The following PDE7B variants were observed in gnomAD, a reference collection of about 807,000 sequenced individuals.
PDE7B encodes 3',5'-cyclic-AMP phosphodiesterase 7B.
A neutral mutation model predicts 56.2 loss-of-function variants in PDE7B; 29 were observed. That is an observed-to-expected ratio of 0.52 (90% CI 0.38 to 0.70). The LOEUF (loss-of-function observed/expected upper bound fraction) is 0.70. Ranked by LOEUF, PDE7B falls within the 30% of genes least tolerant of loss-of-function variation. PDE7B has a pLI of 0.00. For missense variants in PDE7B, 490 were observed against 565.0 expected (o/e 0.87, Z 1.35); for synonymous variants, 197 against 196.9 (o/e 1.00, Z 0.00).
At chr6:136,013,805 C>T (rs762246612) in intron 2 of PDE7B, among the ~76,000 whole-genome samples, 2 of 152,140 alleles carry the variant, frequency 1.3e-5, no homozygotes, top group South Asian at 4.1e-4. Context: ...TTGTACTTTT[C>T]GTGTGCATTA....
chr6:136,057,429 A>G (rs1386160872), intron 2 of PDE7B, among the ~76,000 whole-genome samples: 1 of 152,220 alleles, frequency 6.6e-6, no homozygotes, highest in Non-Finnish European at 1.5e-5. Flanking sequence ...ATCAAAGTAT[A>G]CAATGAAAGC....
intron 2 of PDE7B, among the ~76,000 whole-genome samples, chr6:135,990,758 C>T (rs180840377): frequency 6.6e-6 from 1 of 152,290 alleles, no homozygotes; most frequent in African/African-American, 2.4e-5. Context: ...GAAAGGGGTC[C>T]CAATCCAGAC....
chr6:136,072,865 T>A (rs999262778), intron 2 of PDE7B: 2 of 152,214 alleles, frequency 1.3e-5, no homozygotes, highest in African/African-American at 2.4e-5. Flanking sequence ...AACAGTCACA[T>A]GGGTCAGGTG....
At chr6:136,064,331 A>C (rs1010406368) in intron 2 of PDE7B, 1 of 152,234 alleles carries the variant, frequency 6.6e-6, no homozygotes, top group African/African-American at 2.4e-5. Flanking sequence ...AACAGTAGGC[A>C]AAAATAAAAA....
intron 2 of PDE7B, chr6:136,038,085 A>G: frequency 1.5e-6 from 2 of 1,336,804 alleles, no homozygotes; most frequent in Non-Finnish European, 2.0e-6. Context: ...CTGAAGAGAC[A>G]GGGAGGTTGT....
At chr6:135,894,160 A>T (rs1381855339) in intron 1 of PDE7B, among the ~76,000 whole-genome samples, 1 of 152,200 alleles carries the variant, frequency 6.6e-6, no homozygotes, top group South Asian at 2.1e-4. Flanking sequence ...AATGTTAACC[A>T]CATCTATATG....
chr6:136,044,093 A>G (rs1776457764), intron 2 of PDE7B: 1 of 152,088 alleles, frequency 6.6e-6, no homozygotes, highest in African/African-American at 2.4e-5. Flanking sequence ...AATTTATCCC[A>G]TTCCTTACTT....
intron 2 of PDE7B, among the ~76,000 whole-genome samples, chr6:136,104,057 G>A (rs1053682784): frequency 2.6e-5 from 4 of 152,206 alleles, no homozygotes; most frequent in African/African-American, 7.2e-5. Flanking sequence ...CCTGTCCTCA[G>A]GGAGGGTGAG....
At chr6:135,997,514 T>G (rs1365409532) in intron 2 of PDE7B, among the ~76,000 whole-genome samples, 1 of 147,972 alleles carries the variant, frequency 6.8e-6, no homozygotes, top group African/African-American at 2.5e-5. Flanking sequence ...TTCTGAAATT[T>G]CACTACTAGG....
chr6:136,161,447 A>G (rs1368437043), intron 8 of PDE7B, among the ~76,000 whole-genome samples: 2 of 152,200 alleles, frequency 1.3e-5, no homozygotes, highest in African/African-American at 4.8e-5. Flanking sequence ...TCTTACTAAG[A>G]ATACACAGAG....
chr6:135,947,807 A>G (rs2128199512), intron 2 of PDE7B, among the ~76,000 whole-genome samples: 1 of 152,224 alleles, frequency 6.6e-6, no homozygotes, highest in Admixed American at 6.5e-5. Context: ...GTATTCAGGC[A>G]GCTATGATGA....
chr6:136,010,389 CTT>C (rs1327188298), intron 2 of PDE7B, among the ~76,000 whole-genome samples: 17 of 98,804 alleles, frequency 1.7e-4, no homozygotes, highest in Non-Finnish European at 1.5e-4. Flanking sequence ...TTATTCCCTT[CTT>C]TTTTTTTTTT....
intron 3 of PDE7B, among the ~76,000 whole-genome samples, chr6:136,122,595 A>G (rs536689021): frequency 1.3e-5 from 2 of 152,362 alleles, no homozygotes; most frequent in South Asian, 2.1e-4. Flanking sequence ...AAAGCCCAGG[A>G]TCTCAATCCA....
chr6:135,963,222 A>G (rs1477192125), intron 2 of PDE7B, among the ~76,000 whole-genome samples: 1 of 152,210 alleles, frequency 6.6e-6, no homozygotes, highest in East Asian at 1.9e-4. Flanking sequence ...ACATGTTTCA[A>G]TTATGCCAGG....
In PDE7B at chr6:135,862,037, G is replaced by C. The variant is rs913157247; in HGVS notation, c.21+10018G>C. Among the ~76,000 whole-genome samples the C allele has an allele frequency of 1.2e-4, 18 of 151,786 alleles. 1 individual carries two copies. The highest frequency in any genetic ancestry group is 1.5e-5 in the Non-Finnish European group (1 of 67,768). On this transcript the variant is annotated intron_variant, in intron 1 of 12. Transcript: ENST00000308191. ...TGGATTATTTTGCTTTTCCATAGAG[G>C]TAATCAGAGCATCCAGAATACTGGT...
chr6:136,034,989 TTG>T (rs1776303026), intron 2 of PDE7B: 1 of 148,482 alleles, frequency 6.7e-6, no homozygotes, highest in African/African-American at 2.5e-5. Context: ...TGTTTTGACT[TTG>T]TTAGTTCTCA....
In PDE7B at chr6:136,147,380, A is replaced by G; in HGVS notation, c.196A>G (p.Lys66Glu). The change falls in exon 4 of 13, where the codon AAG becomes GAG. Residue 66 changes from lysine to glutamate, a missense_variant. Coordinates refer to ENST00000308191, the MANE Select transcript of PDE7B (RefSeq NM_018945.4). ...AACATACTCAGGGGAGATTGGCACC[A>G]AGAAAAAGGTGAAAAGACTATTAAG... is the stretch of plus-strand genomic sequence containing the variant. ...STTYSGEIGT[K>E]KKVKRLLSFQ... The G allele has an allele frequency of 6.2e-7, 1 of 1,613,192 alleles. No homozygotes were observed. Among genetic ancestry groups the G allele is most frequent in the Non-Finnish European group, 8.5e-7 (1 of 1,179,188 alleles).
chr6:135,888,335 T>G lies in PDE7B; in HGVS notation c.21+36316T>G, dbSNP rs1290964382. Among the ~76,000 whole-genome samples, 3 of 152,176 alleles carry G rather than the reference T, an allele frequency of 2.0e-5. 1 individual carries two copies. Among genetic ancestry groups the G allele is most frequent in the African/African-American group, 7.2e-5 (3 of 41,452 alleles). ...AGATCTAACGGCAAATCTAGGTACC[T>G]AACCATTATGTTCTGCTGCTTCCAA... On this transcript the variant is annotated intron_variant, in intron 1 of 12. Coordinates refer to ENST00000308191, the MANE Select transcript of PDE7B (RefSeq NM_018945.4).
intron 8 of PDE7B, among the ~76,000 whole-genome samples, chr6:136,161,274 A>G (rs1194871390): frequency 1.3e-5 from 2 of 152,096 alleles, no homozygotes; most frequent in African/African-American, 4.8e-5. Context: ...TTCCCTTATC[A>G]CAGTATGTGT....
Sources: gnomAD v4.1 joint callset for allele counts (sites outside exome capture counted in the v4.1 genomes callset) on GRCh38, gnomAD v4.1.1 for gene constraint, MANE v1.5 for transcripts, NCBI Gene and HGNC (gene_info 2026-07-23, HGNC 2026-07-21) for gene names.